HDDC2: variants seen among roughly 807,000 people sequenced by gnomAD.
HDDC2 encodes the protein HD domain containing 2.
In HDDC2, 25 loss-of-function variants were observed where a neutral mutation model predicts 25.5. The observed-to-expected ratio is 0.98, with a 90% CI of 0.72 to 1.37. The LOEUF (loss-of-function observed/expected upper bound fraction) is 1.37. HDDC2 is among the 40% of genes most tolerant of loss of function. The probability of loss-of-function intolerance (pLI) is 0.00; values close to 1 mark genes in which losing one functional copy is unlikely to be tolerated. For synonymous variants in HDDC2, 106 were observed against 89.7 expected (o/e 1.18, Z -1.03); for missense variants, 264 against 253.1 (o/e 1.04, Z -0.29).
At chr6:125,284,974 C>G (rs1331967227) in intron 4 of HDDC2, among the ~76,000 whole-genome samples, 4 of 152,158 alleles carry the variant, frequency 2.6e-5, no homozygotes, top group African/African-American at 9.7e-5. Flanking sequence ...CCATGGAATA[C>G]TATGAACGCA....
At chr6:125,292,112 G>C (rs1000356610) in intron 4 of HDDC2, among the ~76,000 whole-genome samples, 15 of 152,280 alleles carry the variant, frequency 9.9e-5, no homozygotes, top group Admixed American at 9.2e-4. Flanking sequence ...AAAAGTGAGA[G>C]TGGGAGGAAA....
In HDDC2 at chr6:125,279,885, G is replaced by A. The variant is rs76327585; in HGVS notation, c.379-2645C>T. On this transcript the variant is annotated intron_variant, in intron 4 of 5. Transcript: ENST00000398153. ...TAATTACATTTTAAAAAGAGAACTC[G>A]AATCTATATTTCAAAAAGAGATAAA... Among the ~76,000 whole-genome samples the A allele has an allele frequency of 2.8e-3, 426 of 152,212 alleles. 2 individuals are homozygous for A. The highest frequency in any genetic ancestry group is 9.8e-3 in the African/African-American group (408 of 41,536).
In HDDC2 at chr6:125,277,122, T is replaced by A; in HGVS notation, c.497A>T (p.Asp166Val). The change falls in exon 5 of 6, where the codon GAC (aspartate) becomes GTC (valine). Residue 166 changes from aspartate (D) to valine (V), a missense_variant. Coordinates refer to ENST00000398153, the MANE Select transcript of HDDC2 (RefSeq NM_016063.3). ...AGTACCTGCTGTGGAATCATAGAAG[T>A]CTTGCAGTCTCCCAGGTTTGTGTTC... Reference protein sequence around the residue: ...DLEHKPGRLQDFYDSTAGKFN... With the variant: ...DLEHKPGRLQVFYDSTAGKFN... The A allele has an allele frequency of 1.2e-6, 2 of 1,614,098 alleles. No individual in the cohort carries two copies. The highest frequency in any genetic ancestry group is 1.1e-5 in the South Asian group (1 of 91,064).
rs1375393993 is a variant in HDDC2, at chr6:125,275,472, T to G, written c.*674A>C. 1 of 152,168 alleles carries G rather than the reference T, an allele frequency of 6.6e-6. No homozygotes were observed. Among genetic ancestry groups the G allele is most frequent in the Non-Finnish European group, 1.5e-5 (1 of 68,024 alleles). 9.4% of individuals were successfully genotyped at this position (152,168 alleles called of 1,614,324 possible). On this transcript the variant is annotated 3_prime_UTR_variant, in exon 6 of 6. Transcript: ENST00000398153. Reference sequence around the variant, plus strand: ...CACCTGATGATACATGCTTTTACAATAAAGGTCTCAAGATTTATAAGTCAG... The same window carrying G: ...CACCTGATGATACATGCTTTTACAAGAAAGGTCTCAAGATTTATAAGTCAG...
At chr6:125,281,105 G>A (rs1377270230) in intron 4 of HDDC2, among the ~76,000 whole-genome samples, 4 of 152,246 alleles carry the variant, frequency 2.6e-5, no homozygotes, top group Non-Finnish European at 5.9e-5. Flanking sequence ...CAGACCTGCA[G>A]AAGAGGGGCC....
At chr6:125,286,630 T>C (rs761222043) in intron 4 of HDDC2, among the ~76,000 whole-genome samples, 16 of 152,184 alleles carry the variant, frequency 1.1e-4, no homozygotes, top group Non-Finnish European at 2.4e-4. Context: ...CAAGGTATTA[T>C]ATGTGCAATG....
At chr6:125,296,302 A>G (rs1798705209) in intron 3 of HDDC2, among the ~76,000 whole-genome samples, 1 of 152,136 alleles carries the variant, frequency 6.6e-6, no homozygotes, top group African/African-American at 2.4e-5. Context: ...TTGGTTATCT[A>G]TGGGGGTCCT....
intron 4 of HDDC2, among the ~76,000 whole-genome samples, chr6:125,291,633 T>A (rs146932854): frequency 1.3e-5 from 2 of 152,294 alleles, no homozygotes; most frequent in East Asian, 3.9e-4. Flanking sequence ...CTGAATTTCA[T>A]AACTGGGGAT....
chr6:125,292,790 C>G (rs1313378011), intron 4 of HDDC2, 51 bp downstream of exon 4: 5 of 1,305,354 alleles, frequency 3.8e-6, no homozygotes, highest in Non-Finnish European at 4.4e-6. Context: ...ATCAGGGAGC[C>G]ATATAAATTC....
intron 4 of HDDC2, among the ~76,000 whole-genome samples, chr6:125,288,673 C>A (rs896584495): frequency 1.3e-5 from 2 of 150,382 alleles, no homozygotes; most frequent in East Asian, 3.9e-4. Context: ...GGGCGAAGGA[C>A]ATGAACAGAC....
At chr6:125,292,225 T>C (rs2115112831) in intron 4 of HDDC2, among the ~76,000 whole-genome samples, 1 of 152,058 alleles carries the variant, frequency 6.6e-6, no homozygotes, top group East Asian at 1.9e-4. Context: ...AATTTTTTTT[T>C]CCCTTCACAA....
chr6:125,292,204 T>C (rs1798642946), intron 4 of HDDC2, among the ~76,000 whole-genome samples: 1 of 151,954 alleles, frequency 6.6e-6, no homozygotes, highest in Admixed American at 6.6e-5. Flanking sequence ...GAAACTGTAA[T>C]TGGAAAGGGG....
At chr6:125,300,217 C>T (rs1798773759) in intron 2 of HDDC2, 1 of 221,710 alleles carries the variant, frequency 4.5e-6, no homozygotes. Flanking sequence ...ATAAAAGGCA[C>T]TAGGAAAGAG....
intron 3 of HDDC2, among the ~76,000 whole-genome samples, chr6:125,293,548 G>C (rs1382431344): frequency 6.6e-6 from 1 of 152,136 alleles, no homozygotes; most frequent in Non-Finnish European, 1.5e-5. Flanking sequence ...TAGCATCATG[G>C]AACAGTTCTA....
intron 2 of HDDC2, 135 bp from the exon 3 acceptor site, chr6:125,298,951 T>C (rs1482754682): frequency 1.7e-6 from 1 of 577,132 alleles, no homozygotes; most frequent in Non-Finnish European, 3.0e-6. Context: ...TAGTATTTTC[T>C]AAAGTAGTTA....
intron 4 of HDDC2, among the ~76,000 whole-genome samples, chr6:125,290,584 G>A (rs1447554426): frequency 1.3e-5 from 2 of 152,178 alleles, no homozygotes; most frequent in Non-Finnish European, 2.9e-5. Flanking sequence ...GGTCTTACTT[G>A]ATGAGAGCGG....
intron 3 of HDDC2, among the ~76,000 whole-genome samples, chr6:125,295,243 C>T (rs1798691978): frequency 6.6e-6 from 1 of 152,178 alleles, no homozygotes; most frequent in Non-Finnish European, 1.5e-5. Context: ...TAGCCTCTTC[C>T]TCTGTTAGCA....
chr6:125,300,564 G>C lies in HDDC2; in HGVS notation c.180C>G (p.Ile60Met). 1.2e-6 allele frequency: 2 copies of C among 1,614,070 alleles called. No individual in the cohort carries two copies. The highest frequency in any genetic ancestry group is 1.1e-5 in the South Asian group (1 of 91,066). ...MYRMAVMAMV[I>M]KDDRLNKDRC... ...GGTCTTTGTTAAGACGGTCATCTTTGATCACCATAGCCATAACTGCCATCC... is the reference window on the plus strand; with the variant it reads ...GGTCTTTGTTAAGACGGTCATCTTTCATCACCATAGCCATAACTGCCATCC... The change falls in exon 2 of 6, where the codon ATC (isoleucine) becomes ATG (methionine). Residue 60 changes from isoleucine (I) to methionine (M), a missense_variant. Physicochemically the swap from Ile to Met is conservative, Grantham distance 10. Coordinates refer to ENST00000398153, the MANE Select transcript of HDDC2 (RefSeq NM_016063.3).
intron 3 of HDDC2, among the ~76,000 whole-genome samples, chr6:125,298,383 G>A (rs1235770341): frequency 6.6e-6 from 1 of 152,178 alleles, no homozygotes; most frequent in Non-Finnish European, 1.5e-5. Flanking sequence ...GGAAGATAAG[G>A]CTGTAAACCC....
Sources: gnomAD v4.1 joint callset for allele counts (sites outside exome capture counted in the v4.1 genomes callset) on GRCh38, gnomAD v4.1.1 for gene constraint, MANE v1.5 for transcripts, NCBI Gene and HGNC (gene_info 2026-07-23, HGNC 2026-07-21) for gene names.